Variants in IDO2 observed in about 807,000 individuals in gnomAD.
The protein encoded by IDO2 is indoleamine 2,3-dioxygenase 2, also known as indoleamine 2,3-dioxygenase-like 1 protein.
Under a neutral mutation model 45.1 loss-of-function variants are expected in IDO2, and 46 were observed. The observed-to-expected ratio is 1.02, with a 90% CI of 0.80 to 1.30. The LOEUF (loss-of-function observed/expected upper bound fraction) is 1.30, where lower values mean the gene tolerates loss of function less well. Among genes scored for constraint, IDO2 ranks in the 50% most tolerant of loss-of-function variants. The pLI is 0.00. For synonymous variants in IDO2, 218 were observed against 184.9 expected, an observed-to-expected ratio of 1.18 and a Z score of -1.45; for missense variants, 544 against 491.8, an observed-to-expected ratio of 1.11 and a Z score of -1.00.
At chr8:39,997,970 G>T (rs972813428) in intron 8 of IDO2, 7 of 228,136 alleles carry the variant, frequency 3.1e-5, no homozygotes, top group Admixed American at 2.8e-4. Flanking sequence ...CTGGTGACTG[G>T]CTAGCAAATG....
At chr8:39,948,450 G>A (rs1323244172) in intron 1 of IDO2, among the ~76,000 whole-genome samples, 2 of 152,136 alleles carry the variant, frequency 1.3e-5, no homozygotes, top group African/African-American at 4.8e-5. Context: ...GTCACAGTAA[G>A]ACTCAAGCCC....
At chr8:40,004,419 G>A (rs957460743) in intron 8 of IDO2, among the ~76,000 whole-genome samples, 10 of 152,138 alleles carry the variant, frequency 6.6e-5, no homozygotes, top group Non-Finnish European at 2.9e-5. Flanking sequence ...TAGGTAGATA[G>A]ATGATAGATA....
intron 9 of IDO2, among the ~76,000 whole-genome samples, chr8:40,013,184 G>A (rs1802333132): frequency 6.6e-6 from 1 of 152,078 alleles, no homozygotes; most frequent in South Asian, 2.1e-4. Context: ...CATCAAGGTT[G>A]AGATTAGCAA....
At chr8:39,942,662 T>A (rs565395478) in intron 1 of IDO2, among the ~76,000 whole-genome samples, 3 of 152,024 alleles carry the variant, frequency 2.0e-5, no homozygotes, top group African/African-American at 7.2e-5. Flanking sequence ...ACAAAATCAG[T>A]AAGAAAGTCC....
At position 39,989,720 on chromosome 8, in the gene IDO2, G is replaced by A; in HGVS notation, c.550-1G>A. The A allele has an allele frequency of 6.3e-7, 1 of 1,576,788 alleles. No individual in the cohort carries two copies. Among genetic ancestry groups the A allele is most frequent in the South Asian group, 1.2e-5 (1 of 85,916 alleles). On this transcript the variant is annotated splice_acceptor_variant, in intron 7 of 10. Coordinates refer to ENST00000502986, the Ensembl canonical transcript of IDO2. LOFTEE classifies it high-confidence loss of function. The stretch of plus-strand genomic sequence containing the variant: ...GTTGTGTACATGCATCTCATCCCTA[G>A]GCTCTTGTTCAGGCCACGAATGCTA...
chr8:39,985,376 TGCC>T (rs1808408289), intron 5 of IDO2, 129 bp from the exon 6 acceptor site: 3 of 734,876 alleles, frequency 4.1e-6, no homozygotes, highest in Admixed American at 2.8e-5. Context: ...GTGCCTGCAG[TGCC>T]TTGCACACAA....
chr8:40,010,381 A>G (rs140660454), intron 9 of IDO2, among the ~76,000 whole-genome samples: 1 of 152,322 alleles, frequency 6.6e-6, no homozygotes, highest in Non-Finnish European at 1.5e-5. Flanking sequence ...AGGTGACAGT[A>G]GAGACCGGAT....
At chr8:40,008,538 C>A (rs1800355499) in intron 9 of IDO2, among the ~76,000 whole-genome samples, 1 of 152,116 alleles carries the variant, frequency 6.6e-6, no homozygotes, top group Admixed American at 6.6e-5. Context: ...GTCCCCTTTG[C>A]CATAATATAT....
intron 3 of IDO2, among the ~76,000 whole-genome samples, chr8:39,973,860 G>C (rs1375885690): frequency 1.3e-5 from 2 of 151,622 alleles, no homozygotes; most frequent in African/African-American, 4.9e-5. Context: ...TCCTGCCTCA[G>C]CCTCCCGAGT....
At chr8:39,974,162 T>G (rs1017095253) in intron 3 of IDO2, among the ~76,000 whole-genome samples, 1 of 152,140 alleles carries the variant, frequency 6.6e-6, no homozygotes, top group Non-Finnish European at 1.5e-5. Flanking sequence ...TATAAAACCA[T>G]AGAAATTCTG....
At chr8:39,978,681 T>A (rs375646643) in intron 3 of IDO2, among the ~76,000 whole-genome samples, 54 of 152,234 alleles carry the variant, frequency 3.5e-4, no homozygotes, top group South Asian at 8.3e-4. Flanking sequence ...AGTGTTTGGA[T>A]AAGACAGGCT....
At chr8:39,941,008 G>C (rs1585393025) in intron 1 of IDO2, among the ~76,000 whole-genome samples, 1 of 151,074 alleles carries the variant, frequency 6.6e-6, no homozygotes, top group Non-Finnish European at 1.5e-5. Flanking sequence ...ATCACCTGAG[G>C]TCAGGAGTTC....
intron 2 of IDO2, among the ~76,000 whole-genome samples, chr8:39,961,327 T>TTTTTC (rs1360963738): frequency 6.9e-6 from 1 of 145,302 alleles, no homozygotes; most frequent in East Asian, 2.0e-4. Context: ...CTTCTTTTTT[T>TTTTTC]TTTTTTTTTT....
chr8:39,936,653 T>G (rs1235704454), intron 1 of IDO2, among the ~76,000 whole-genome samples: 1 of 152,188 alleles, frequency 6.6e-6, no homozygotes, highest in Non-Finnish European at 1.5e-5. Flanking sequence ...TACATGCTCT[T>G]AAGAGTAGAT....
At chr8:39,973,006 T>C (rs1379965834) in intron 3 of IDO2, among the ~76,000 whole-genome samples, 1 of 152,224 alleles carries the variant, frequency 6.6e-6, no homozygotes. Context: ...TGTGATTTGC[T>C]TTATTGGGAT....
chr8:40,005,897 G>A (rs1802213534), intron 9 of IDO2, among the ~76,000 whole-genome samples: 1 of 152,222 alleles, frequency 6.6e-6, no homozygotes, highest in African/African-American at 2.4e-5. Flanking sequence ...TGTCTCCTCT[G>A]AGAGGAGAAG....
intron 5 of IDO2, among the ~76,000 whole-genome samples, chr8:39,983,880 C>T (rs1041143961): frequency 2.6e-5 from 4 of 151,316 alleles, no homozygotes; most frequent in African/African-American, 9.7e-5. Context: ...AAATTATGTG[C>T]CCCATTGGAA....
intron 2 of IDO2, among the ~76,000 whole-genome samples, chr8:39,950,785 G>A (rs778637841): frequency 6.6e-6 from 1 of 152,118 alleles, no homozygotes; most frequent in African/African-American, 2.4e-5. Flanking sequence ...AGAAAAGCAA[G>A]TTGCCCAGGG....
rs1056711956 is a variant in IDO2, at chr8:40,014,978, G to A, written c.869-269G>A. On this transcript the variant is annotated intron_variant, in intron 10 of 10. Transcript: ENST00000502986. ...AGCCTGGGCAACATAGCAAGAACCC[G>A]TCTCTACTAAAAGGAATACAAAAAA... Among the ~76,000 whole-genome samples, 11 of 152,008 alleles carry A rather than the reference G, an allele frequency of 7.2e-5. No homozygotes were observed. The East Asian group carries it at 9.7e-4, about 13-fold the overall frequency.
Sources: allele counts gnomAD v4.1 joint callset (sites outside exome capture counted in the v4.1 genomes callset), GRCh38; gene constraint gnomAD v4.1.1; transcripts MANE v1.5; gene names NCBI Gene and HGNC (gene_info 2026-07-23, HGNC 2026-07-21).